VBP1: variants seen among roughly 807,000 people sequenced by gnomAD.
VBP1 encodes VHL binding protein 1, also known as prefoldin subunit 3.
VBP1 carries 4 observed loss-of-function variants against 15.5 expected under a neutral mutation model. The observed-to-expected ratio is 0.26, with a 90% CI of 0.13 to 0.59. The LOEUF is 0.59. Among genes scored for constraint, VBP1 ranks in the 20% least tolerant of loss-of-function variants. The pLI is 0.90. For synonymous variants in VBP1, 61 were observed against 52.1 expected (o/e 1.17, Z -0.74); for missense variants, 108 against 139.6 (o/e 0.77, Z 1.14).
chrX:155,212,364 G>A (rs1327618656), upstream of VBP1, among the ~76,000 whole-genome samples: 7 of 111,657 alleles, frequency 6.3e-5, no homozygotes, highest in Admixed American at 4.8e-4. Flanking sequence ...GTGGACATGG[G>A]GGCAGAGGGA....
intron 3 of VBP1, among the ~76,000 whole-genome samples, 194 bp from the exon 4 acceptor site, chrX:155,228,190 C>T (rs1243797871): frequency 9.0e-6 from 1 of 111,508 alleles, no homozygotes. Context: ...CAGATTTGTA[C>T]AGCTAGTGAG....
At chrX:155,236,785 A>G (rs2074775682) in intron 5 of VBP1, among the ~76,000 whole-genome samples, 1 of 112,698 alleles carries the variant, frequency 8.9e-6, no homozygotes, top group Non-Finnish European at 1.9e-5. Flanking sequence ...ATAGGTGAGT[A>G]AGTATTTTTC....
intron 2 of VBP1, among the ~76,000 whole-genome samples, chrX:155,226,050 T>C (rs2074718288): frequency 8.9e-6 from 1 of 112,214 alleles, no homozygotes; most frequent in Admixed American, 9.4e-5. Flanking sequence ...TGTGTTTATA[T>C]TTTGTTTACA....
chrX:155,211,149 C>A (rs2074643698), intron 2 of VBP1, among the ~76,000 whole-genome samples: 1 of 111,869 alleles, frequency 8.9e-6, no homozygotes, highest in Non-Finnish European at 1.9e-5. Flanking sequence ...GTCTTCCATG[C>A]AAGATGGAGT....
intron 4 of VBP1, among the ~76,000 whole-genome samples, chrX:155,230,813 A>G (rs1191245327): frequency 9.0e-6 from 1 of 111,002 alleles, no homozygotes; most frequent in Non-Finnish European, 1.9e-5. Context: ...CTTCCTGAAT[A>G]GCTGGGATCA....
intron 1 of VBP1, among the ~76,000 whole-genome samples, chrX:155,203,736 G>C (rs1161647121): frequency 2.7e-5 from 3 of 110,115 alleles, no homozygotes; most frequent in Admixed American, 1.9e-4. Flanking sequence ...TTGTGCACAT[G>C]TACCCTAAAA....
intron 1 of VBP1, among the ~76,000 whole-genome samples, chrX:155,206,222 C>CTTT (rs2074625613): frequency 1.1e-5 from 1 of 95,137 alleles, no homozygotes; most frequent in Admixed American, 1.3e-4. Context: ...GAAAAGGTGA[C>CTTT]TCAGTCTTGA....
In VBP1 at chrX:155,219,264, C is replaced by T. The variant is rs181041535; in HGVS notation, c.94-919C>T. 3.0e-4 allele frequency among the ~76,000 whole-genome samples: 34 copies of T among 112,290 alleles called. No individual in the cohort carries two copies. In the East Asian group the frequency reaches 7.5e-3, roughly 25 times the overall value. On this transcript the variant is annotated intron_variant, in intron 1 of 5. Coordinates refer to ENST00000286428, the MANE Select transcript of VBP1 (RefSeq NM_003372.7). ...AACTAGAGTTCTGTAAAGTACTAGA[C>T]GACTCTTGTAGCATCTCTTTTAAGT...
intron 5 of VBP1, among the ~76,000 whole-genome samples, chrX:155,238,122 T>C (rs1319147961): frequency 8.9e-6 from 1 of 112,152 alleles, no homozygotes; most frequent in Non-Finnish European, 1.9e-5. Context: ...TCCTCTAAGA[T>C]GAGTCCTACA....
At chrX:155,214,351 A>G (rs1557308810), upstream of VBP1, among the ~76,000 whole-genome samples, 1 of 112,572 alleles carries the variant, frequency 8.9e-6, no homozygotes, top group African/African-American at 3.2e-5. Flanking sequence ...TCCTGTCAGA[A>G]TTGGTTATAC....
intron 2 of VBP1, among the ~76,000 whole-genome samples, chrX:155,226,015 G>C (rs1178018796): frequency 2.7e-5 from 3 of 111,944 alleles, no homozygotes; most frequent in Non-Finnish European, 5.6e-5. Context: ...TCTTTTATGT[G>C]ACGCAATAAG....
At chrX:155,222,873 C>T (rs959753802) in intron 2 of VBP1, among the ~76,000 whole-genome samples, 11 of 111,660 alleles carry the variant, frequency 9.9e-5, no homozygotes, top group Non-Finnish European at 7.5e-5. Context: ...GACAGGCTTT[C>T]TCTCTGTTGC....
At chrX:155,197,205 C>T (rs187259698) in intron 1 of VBP1, 1 of 111,694 alleles carries the variant, frequency 9.0e-6, no homozygotes, top group East Asian at 2.8e-4. Context: ...TTATGCAGTA[C>T]AGAAAAGTCA....
At chrX:155,197,228 TCTTAG>T (rs1274468095) in intron 1 of VBP1, 1 of 111,920 alleles carries the variant, frequency 8.9e-6, no homozygotes, top group Admixed American at 9.4e-5. Flanking sequence ...ACTCTTTCTT[TCTTAG>T]CTAAGTTCAC....
At chrX:155,204,046 C>T (rs782477012) in intron 1 of VBP1, among the ~76,000 whole-genome samples, 1 of 111,889 alleles carries the variant, frequency 8.9e-6, no homozygotes, top group Non-Finnish European at 1.9e-5. Context: ...AGGAATTCAT[C>T]GATTTTGTAG....
At position 155,238,921 on chromosome X, in the gene VBP1, C is replaced by A; in HGVS notation, c.*79C>A. The A allele has an allele frequency of 1.3e-6, 1 of 765,863 alleles. No homozygotes were observed. 63.1% of individuals were successfully genotyped at this position (765,863 alleles called of 1,213,427 possible). ...CCTTTATCCTTACAGGTTGACATAA[C>A]TTTGAATGTTTTAACAGCAAGAATT... On this transcript the variant is annotated 3_prime_UTR_variant, in exon 6 of 6. Coordinates refer to ENST00000286428, the MANE Select transcript of VBP1 (RefSeq NM_003372.7).
intron 1 of VBP1, among the ~76,000 whole-genome samples, chrX:155,204,047 G>A (rs987803343): frequency 5.4e-5 from 6 of 112,126 alleles, no homozygotes; most frequent in Admixed American, 9.4e-5. Context: ...GGAATTCATC[G>A]ATTTTGTAGC....
At chrX:155,225,476 A>G (rs1469413200) in intron 2 of VBP1, among the ~76,000 whole-genome samples, 1 of 112,198 alleles carries the variant, frequency 8.9e-6, no homozygotes, top group Non-Finnish European at 1.9e-5. Flanking sequence ...CTGGGATTAC[A>G]GGCGTGAATC....
At chrX:155,204,219 G>T in intron 1 of VBP1, among the ~76,000 whole-genome samples, 1 of 111,126 alleles carries the variant, frequency 9.0e-6, no homozygotes, top group Admixed American at 9.5e-5. Context: ...GTGGCACGAT[G>T]TCGGTTCACT....
Sources: gnomAD v4.1 joint callset for allele counts (sites outside exome capture counted in the v4.1 genomes callset) on GRCh38, gnomAD v4.1.1 for gene constraint, MANE v1.5 for transcripts, NCBI Gene and HGNC (gene_info 2026-07-23, HGNC 2026-07-21) for gene names.